The following DMAC2L variants were observed in gnomAD, a reference collection of about 807,000 sequenced individuals.
DMAC2L encodes the protein ATP synthase subunit s, mitochondrial.
A neutral mutation model predicts 22.5 loss-of-function variants in DMAC2L; 21 were observed. That is an observed-to-expected ratio of 0.93 (90% CI 0.66 to 1.34). The LOEUF (loss-of-function observed/expected upper bound fraction) is 1.34. DMAC2L is among the 40% of genes most tolerant of loss of function. The pLI, the probability that DMAC2L is intolerant of heterozygous loss-of-function variation, is 0.00. For missense variants in DMAC2L, 239 were observed against 246.5 expected, an observed-to-expected ratio of 0.97 and a Z score of 0.20; for synonymous variants, 86 against 89.5, an observed-to-expected ratio of 0.96 and a Z score of 0.22.
rs1414933329 is a variant in DMAC2L, at chr14:50,321,537, T to G, written c.50T>G (p.Leu17Arg). ...ISQQLCGVKKLPWSCDSRYFW... is the reference protein window; with the variant it reads ...ISQQLCGVKKRPWSCDSRYFW... ...CAGCAGTTGTGTGGCGTAAAGAAAC[T>G]CCCATGGTCATGTGACTCCAGATAC... Residue 17 changes from leucine to arginine, a missense_variant, in exon 3 of 6, where the codon CTC becomes CGC. Coordinates refer to ENST00000557421, the MANE Select transcript of DMAC2L (RefSeq NM_001382507.1). 6.2e-7 allele frequency: 1 copy of G among 1,614,000 alleles called. No homozygotes were observed. The highest frequency in any genetic ancestry group is 8.5e-7 in the Non-Finnish European group (1 of 1,179,992).
rs112928084 is a variant in DMAC2L at position 50,326,932 on chromosome 14, T to G, written c.*1209T>G. On this transcript the variant is annotated 3_prime_UTR_variant, in exon 6 of 6. Transcript: ENST00000557421. ...GGTGCATACCTGTAATCTCAGATAC[T>G]TGGGAGGTTGAGGTGGTAGGATTGC... 5.6e-6 allele frequency: 1 copy of G among 177,050 alleles called. No individual in the cohort carries two copies. The highest frequency in any genetic ancestry group is 1.9e-4 in the South Asian group (1 of 5,300). 11.0% of individuals were successfully genotyped at this position (177,050 alleles called of 1,614,324 possible).
intron 2 of DMAC2L, chr14:50,321,237 C>T (rs1215815559): frequency 2.3e-6 from 1 of 441,750 alleles, no homozygotes; most frequent in East Asian, 6.2e-5. Context: ...ATTGAGGTTT[C>T]AACAGTGGAA....
At chr14:50,316,255 GTTT>G (rs1566553872) in intron 2 of DMAC2L, among the ~76,000 whole-genome samples, 1 of 151,726 alleles carries the variant, frequency 6.6e-6, no homozygotes, top group Non-Finnish European at 1.5e-5. Flanking sequence ...TGATGGGATT[GTTT>G]TTTTCTGCTA....
At chr14:50,319,212 A>C (rs1278484118) in intron 2 of DMAC2L, 16 of 1,535,986 alleles carry the variant, frequency 1.0e-5, no homozygotes, top group Non-Finnish European at 1.4e-5. Context: ...GCTTTAACAA[A>C]AAGTTGGAAA....
At chr14:50,319,466 G>A (rs2032089453) in intron 2 of DMAC2L, among the ~76,000 whole-genome samples, 1 of 152,154 alleles carries the variant, frequency 6.6e-6, no homozygotes, top group Non-Finnish European at 1.5e-5. Context: ...ACCCTGGGCT[G>A]GTAGAGAACT....
At chr14:50,315,426 G>A (rs2031694453) in intron 2 of DMAC2L, among the ~76,000 whole-genome samples, 1 of 151,344 alleles carries the variant, frequency 6.6e-6, no homozygotes, top group Admixed American at 6.6e-5. Context: ...CACTTTGGGA[G>A]GCCAAGGCAG....
chr14:50,325,606 C>T lies in DMAC2L; in HGVS notation c.489-3C>T. The T allele has an allele frequency of 1.3e-6, 2 of 1,596,214 alleles. No homozygotes were observed. The highest frequency in any genetic ancestry group is 1.7e-6 in the Non-Finnish European group (2 of 1,170,900). Reference sequence around the variant, plus strand: ...TTGAAGTGACTTTTTTCTTTATTTGCAGAAACCTCAAATATTTGTTGTTAA... The same window carrying T: ...TTGAAGTGACTTTTTTCTTTATTTGTAGAAACCTCAAATATTTGTTGTTAA... On this transcript the variant is annotated splice_polypyrimidine_tract_variant and splice_region_variant and intron_variant, in intron 5 of 5. Transcript: ENST00000557421.
chr14:50,316,702 A>C (rs11157735), intron 2 of DMAC2L, among the ~76,000 whole-genome samples: 10 of 151,928 alleles, frequency 6.6e-5, no homozygotes, highest in Non-Finnish European at 1.0e-4. Context: ...TCAGTTGGCT[A>C]TAAGTATTTG....
At chr14:50,313,024 T>A in intron 1 of DMAC2L, 1 of 1,614,198 alleles carries the variant, frequency 6.2e-7, no homozygotes, top group African/African-American at 1.3e-5. Flanking sequence ...GTTTTAAATG[T>A]GCTGTGCGGT....
rs2031295919 is a variant in DMAC2L, at chr14:50,312,364, C to G, written c.-67C>G. 1 of 538,028 alleles carries G rather than the reference C, an allele frequency of 1.9e-6. No homozygotes were observed. The highest frequency in any genetic ancestry group is 2.0e-5 in the African/African-American group (1 of 51,192). The allele number at this position is 538,028 out of a possible 1,614,324, so 33.3% of individuals were successfully genotyped here. The stretch of plus-strand genomic sequence containing the variant: ...CCGCAGACGCGGGGACGCTGGCTCG[C>G]TCCCTCCCTCCCTCCCTCCGACGCT... On this transcript the variant is annotated 5_prime_UTR_variant, in exon 1 of 6. Transcript: ENST00000557421.
intron 1 of DMAC2L, chr14:50,312,709 C>T (rs1200778170): frequency 5.3e-6 from 2 of 378,280 alleles, no homozygotes; most frequent in Non-Finnish European, 9.5e-6. Flanking sequence ...GCCTGGGCAC[C>T]CACCGTCTCC....
intron 5 of DMAC2L, chr14:50,324,407 C>T (rs2032539373): frequency 5.4e-6 from 1 of 184,782 alleles, no homozygotes; most frequent in South Asian, 1.7e-4. Context: ...ATTATGCTTT[C>T]TCTCCTTTTT....
At position 50,322,690 on chromosome 14, in the gene DMAC2L, G is replaced by C; in HGVS notation, c.287G>C (p.Cys96Ser). 1 of 1,614,138 alleles carries C rather than the reference G, an allele frequency of 6.2e-7. No individual in the cohort carries two copies. The highest frequency in any genetic ancestry group is 8.5e-7 in the Non-Finnish European group (1 of 1,180,034). The change falls in exon 4 of 6, where the codon TGT becomes TCT. Residue 96 changes from cysteine (C) to serine (S), a missense_variant. Transcript: ENST00000557421. Reference sequence around the variant, plus strand: ...CAGGCGATCGACGCCACCGACTCTTGTATCATGAGCATTGGATTTGATCAC... The same window carrying C: ...CAGGCGATCGACGCCACCGACTCTTCTATCATGAGCATTGGATTTGATCAC... ...KIQAIDATDS[C>S]IMSIGFDHME...
At chr14:50,318,591 T>G (rs957264661) in intron 2 of DMAC2L, among the ~76,000 whole-genome samples, 3 of 152,248 alleles carry the variant, frequency 2.0e-5, no homozygotes, top group Admixed American at 2.0e-4. Flanking sequence ...AAATATTTAT[T>G]AAACTTTTGC....
chr14:50,320,757 T>C (rs375442587), intron 2 of DMAC2L, among the ~76,000 whole-genome samples: 21 of 152,216 alleles, frequency 1.4e-4, no homozygotes, highest in African/African-American at 5.1e-4. Context: ...CCCCATCTCC[T>C]CCTCCCTGCC....
chr14:50,323,802 A>G, intron 4 of DMAC2L, 143 bp from the exon 5 acceptor site: 1 of 633,688 alleles, frequency 1.6e-6, no homozygotes, highest in African/African-American at 1.8e-5. Context: ...TAGGGTGAGC[A>G]GTCATTCCAG....
At chr14:50,315,683 AAAAAAAG>A (rs1221219761) in intron 2 of DMAC2L, among the ~76,000 whole-genome samples, 7 of 151,600 alleles carry the variant, frequency 4.6e-5, no homozygotes, top group South Asian at 2.1e-4. Flanking sequence ...AAAAAAAAAA[AAAAAAAG>A]AGTAATAAAT....
Position 50,326,714 on chromosome 14 carries a change from T to C in DMAC2L, c.*991T>C, listed in dbSNP as rs113730157. On this transcript the variant is annotated 3_prime_UTR_variant, in exon 6 of 6. Transcript: ENST00000557421. ...ATATAATAAAGGAAACAGTAAAAAC[T>C]AGTGGGCTATGCTTAGGTTTTTCTT... The C allele has an allele frequency of 4.9e-5, 48 of 985,414 alleles. No individual in the cohort carries two copies. The African/African-American group carries it at 7.3e-4, about 15-fold the overall frequency. 61.0% of individuals were successfully genotyped at this position (985,414 alleles called of 1,614,324 possible). A position where few individuals can be genotyped will look rare whatever the true frequency, so the allele number is the denominator to read the frequency against.
chr14:50,321,722 A>C, intron 3 of DMAC2L, 128 bp downstream of exon 3: 2 of 566,980 alleles, frequency 3.5e-6, no homozygotes, highest in South Asian at 5.7e-5. Context: ...TTTACAAACA[A>C]ACAAAACCCA....
Sources: gnomAD v4.1 joint callset for allele counts (sites outside exome capture counted in the v4.1 genomes callset) on GRCh38, gnomAD v4.1.1 for gene constraint, MANE v1.5 for transcripts, NCBI Gene and HGNC (gene_info 2026-07-23, HGNC 2026-07-21) for gene names.